CADPS2: variants seen among roughly 807,000 people sequenced by gnomAD.
The protein encoded by CADPS2 is calcium-dependent secretion activator 2.
In CADPS2, 93 loss-of-function variants were observed where a neutral mutation model predicts 172.5. The ratio of observed to expected loss-of-function variants is 0.54; its 90% CI spans 0.46 to 0.64. The LOEUF (loss-of-function observed/expected upper bound fraction) is 0.64. Among genes scored for constraint, CADPS2 ranks in the 30% least tolerant of loss-of-function variants. The pLI, the probability that CADPS2 is intolerant of heterozygous loss-of-function variation, is 0.00. For synonymous variants in CADPS2, 546 were observed against 555.2 expected (o/e 0.98, Z 0.23); for missense variants, 1,420 against 1,565.9 (o/e 0.91, Z 1.57).
At chr7:122,428,469 A>T (rs201863739) in intron 17 of CADPS2, among the ~76,000 whole-genome samples, 104 of 124,940 alleles carry the variant, frequency 8.3e-4, no homozygotes, top group East Asian at 2.3e-3. Flanking sequence ...ATATATATAT[A>T]TATTTTTTTT....
chr7:122,872,998 T>C (rs911748818), intron 1 of CADPS2, among the ~76,000 whole-genome samples: 4 of 152,030 alleles, frequency 2.6e-5, no homozygotes, highest in Admixed American at 2.6e-4. Context: ...AAGAGTTATA[T>C]TGTTTCACCC....
chr7:122,406,541 GTTC>G lies in CADPS2; in HGVS notation c.2746+996_2746+998del, dbSNP rs2046662035. 3.3e-5 allele frequency among the ~76,000 whole-genome samples: 5 copies of G among 152,302 alleles called. No homozygotes were observed. In the South Asian group the frequency reaches 1.0e-3, roughly 32 times the overall value. ...ATTCAGGTCACATGGTGAGCACTGT[GTTC>G]TTCTGAGCACCACACTCCAGAAGAA... is the stretch of plus-strand genomic sequence containing the variant. On this transcript the variant is annotated intron_variant, in intron 20 of 29. Transcript: ENST00000449022.
At chr7:122,549,646 A>ATAT (rs916714578) in intron 8 of CADPS2, among the ~76,000 whole-genome samples, 19 of 151,064 alleles carry the variant, frequency 1.3e-4, no homozygotes, top group South Asian at 8.4e-4. Context: ...GTATTAATTA[A>ATAT]TATTATTATT....
At chr7:122,772,148 G>T (rs2093724367) in intron 1 of CADPS2, among the ~76,000 whole-genome samples, 1 of 152,150 alleles carries the variant, frequency 6.6e-6, no homozygotes, top group Non-Finnish European at 1.5e-5. Context: ...GCTTAGATGA[G>T]AACTGAAGAA....
chr7:122,642,368 C>T (rs2077754878), intron 3 of CADPS2, among the ~76,000 whole-genome samples: 1 of 151,928 alleles, frequency 6.6e-6, no homozygotes, highest in African/African-American at 2.4e-5. Context: ...GCTCTCCTTG[C>T]CCAGTCACTC....
At chr7:122,459,259 T>C (rs1205303443) in intron 14 of CADPS2, among the ~76,000 whole-genome samples, 2 of 151,950 alleles carry the variant, frequency 1.3e-5, no homozygotes, top group Non-Finnish European at 1.5e-5. Flanking sequence ...AATCCAATTA[T>C]CCATTATTTA....
chr7:122,824,233 C>A (rs1284627550), intron 1 of CADPS2, among the ~76,000 whole-genome samples: 2 of 152,166 alleles, frequency 1.3e-5, no homozygotes, highest in African/African-American at 4.8e-5. Flanking sequence ...TTGCCCATTT[C>A]ATTGATGAAA....
At chr7:122,673,616 A>C (rs2082090852) in intron 2 of CADPS2, among the ~76,000 whole-genome samples, 1 of 151,924 alleles carries the variant, frequency 6.6e-6, no homozygotes, top group African/African-American at 2.4e-5. Flanking sequence ...CAGATTAGCT[A>C]AATACAGAGT....
chr7:122,663,008 G>A (rs991462399), intron 3 of CADPS2, among the ~76,000 whole-genome samples: 1 of 152,064 alleles, frequency 6.6e-6, no homozygotes, highest in Admixed American at 6.6e-5. Context: ...AGGACACATG[G>A]GGATGATTAC....
At chr7:122,356,827 G>C (rs1344920998) in intron 27 of CADPS2, among the ~76,000 whole-genome samples, 1 of 152,064 alleles carries the variant, frequency 6.6e-6, no homozygotes, top group African/African-American at 2.4e-5. Flanking sequence ...CCAGTTTTGT[G>C]TTTTTTGTGA....
At chr7:122,782,596 G>GT in intron 1 of CADPS2, among the ~76,000 whole-genome samples, 1 of 152,078 alleles carries the variant, frequency 6.6e-6, no homozygotes, top group East Asian at 1.9e-4. Flanking sequence ...GGGTGACAGA[G>GT]TGAGACCCTG....
chr7:122,622,482 G>C (rs1027845977), intron 4 of CADPS2, among the ~76,000 whole-genome samples: 1 of 152,108 alleles, frequency 6.6e-6, no homozygotes, highest in African/African-American at 2.4e-5. Context: ...TGTTTCTTCT[G>C]CTCAATTAAA....
chr7:122,767,518 G>A (rs1311664636), intron 1 of CADPS2, among the ~76,000 whole-genome samples: 1 of 152,030 alleles, frequency 6.6e-6, no homozygotes, highest in Non-Finnish European at 1.5e-5. Flanking sequence ...AGGGATTACT[G>A]TGTGACTATT....
chr7:122,422,628 A>G (rs1178434940), intron 17 of CADPS2, among the ~76,000 whole-genome samples: 1 of 152,142 alleles, frequency 6.6e-6, no homozygotes, highest in African/African-American at 2.4e-5. Context: ...TAGGTAACTC[A>G]TCAATGTTAG....
chr7:122,331,055 A>G (rs1410946143), intron 28 of CADPS2: 1 of 152,162 alleles, frequency 6.6e-6, no homozygotes, highest in Admixed American at 6.5e-5. Context: ...TGGAAGAGAA[A>G]AACCCAGTTG....
chr7:122,644,518 A>G (rs1034359990), intron 3 of CADPS2, among the ~76,000 whole-genome samples: 1 of 152,158 alleles, frequency 6.6e-6, no homozygotes, highest in Non-Finnish European at 1.5e-5. Flanking sequence ...AATGATAGAA[A>G]TAACACAAAT....
At position 122,726,092 on chromosome 7, in the gene CADPS2, T is replaced by G. The variant is rs983183550; in HGVS notation, c.453+10863A>C. 2.6e-5 allele frequency among the ~76,000 whole-genome samples: 4 copies of G among 151,888 alleles called. No individual in the cohort carries two copies. The South Asian group carries it at 8.3e-4, about 31-fold the overall frequency. On this transcript the variant is annotated intron_variant, in intron 2 of 29. Transcript: ENST00000449022. ...TAAATAAAACTCCCATTCACCCATC[T>G]GGATTCAGAGGCAAAAGAATGCTTT...
At chr7:122,658,932 T>C (rs62482257) in intron 3 of CADPS2, among the ~76,000 whole-genome samples, 1 of 151,926 alleles carries the variant, frequency 6.6e-6, no homozygotes, top group East Asian at 1.9e-4. Context: ...AAAAAAAGTT[T>C]CTCGTACTTA....
intron 1 of CADPS2, among the ~76,000 whole-genome samples, chr7:122,775,806 A>G (rs2093862656): frequency 6.6e-6 from 1 of 152,062 alleles, no homozygotes; most frequent in Non-Finnish European, 1.5e-5. Context: ...AATTTTGAAA[A>G]TCTTTTCCTA....
Sources: allele counts gnomAD v4.1 joint callset (sites outside exome capture counted in the v4.1 genomes callset), GRCh38; gene constraint gnomAD v4.1.1; transcripts MANE v1.5; gene names NCBI Gene and HGNC (gene_info 2026-07-23, HGNC 2026-07-21).